DIS3L2: variants seen among roughly 807,000 people sequenced by gnomAD.
The protein encoded by DIS3L2 is DIS3-like exonuclease 2.
Under a neutral mutation model 97.5 loss-of-function variants are expected in DIS3L2, and 34 were observed. The ratio of observed to expected loss-of-function variants is 0.35; its 90% CI spans 0.27 to 0.46. DIS3L2 has a LOEUF of 0.46. Ranked by LOEUF, DIS3L2 falls within the 20% of genes least tolerant of loss-of-function variation. The probability of loss-of-function intolerance (pLI) is 1.00; values close to 1 mark genes in which losing one functional copy is unlikely to be tolerated. For missense variants in DIS3L2, 1,038 were observed against 1,146.0 expected (o/e 0.91, Z 1.36); for synonymous variants, 435 against 445.2 (o/e 0.98, Z 0.29).
At chr2:232,069,167 G>A (rs543816394) in intron 5 of DIS3L2, among the ~76,000 whole-genome samples, 2 of 152,188 alleles carry the variant, frequency 1.3e-5, no homozygotes, top group East Asian at 3.9e-4. Flanking sequence ...TTTCTAAGAT[G>A]AAATCTGAGG....
intron 8 of DIS3L2, among the ~76,000 whole-genome samples, chr2:232,160,994 C>T (rs577978174): frequency 3.4e-4 from 51 of 152,144 alleles, no homozygotes; most frequent in African/African-American, 7.5e-4. Context: ...CTCGGCTCAC[C>T]GCAACCTCCG....
chr2:232,005,036 A>T (rs1304693972), intron 1 of DIS3L2, among the ~76,000 whole-genome samples: 1 of 152,080 alleles, frequency 6.6e-6, no homozygotes, highest in Non-Finnish European at 1.5e-5. Context: ...AGTCATTTTG[A>T]GGTTGGGATT....
intron 5 of DIS3L2, among the ~76,000 whole-genome samples, chr2:232,059,099 A>T (rs1450534179): frequency 6.6e-6 from 1 of 152,228 alleles, no homozygotes. Context: ...CAAAGGGTTT[A>T]GAAGTCAGCT....
In DIS3L2 at chr2:232,334,621, G is replaced by C; in HGVS notation, c.2290-10G>C. On this transcript the variant is annotated splice_polypyrimidine_tract_variant and intron_variant, in intron 18 of 20. Coordinates refer to ENST00000325385, the MANE Select transcript of DIS3L2 (RefSeq NM_152383.5). Reference sequence around the variant, plus strand: ...CAGGAGGTGCCATGGCTGCAGCACTGTCCCTGCAGGAGAGTGGCCCCCTGG... The same window carrying C: ...CAGGAGGTGCCATGGCTGCAGCACTCTCCCTGCAGGAGAGTGGCCCCCTGG... 1 of 1,604,532 alleles carries C rather than the reference G, an allele frequency of 6.2e-7. No individual in the cohort carries two copies. The highest frequency in any genetic ancestry group is 8.5e-7 in the Non-Finnish European group (1 of 1,175,864).
chr2:232,132,433 G>C (rs571387417), intron 7 of DIS3L2, among the ~76,000 whole-genome samples: 1 of 152,252 alleles, frequency 6.6e-6, no homozygotes, highest in East Asian at 1.9e-4. Flanking sequence ...GAGGATAACT[G>C]TAAACCCTGG....
At chr2:232,100,672 T>C (rs1697169500) in intron 6 of DIS3L2, among the ~76,000 whole-genome samples, 1 of 152,130 alleles carries the variant, frequency 6.6e-6, no homozygotes, top group African/African-American at 2.4e-5. Context: ...TGCTATTTTT[T>C]GTTAATGTTT....
intron 1 of DIS3L2, among the ~76,000 whole-genome samples, chr2:231,963,503 A>G (rs1692625718): frequency 6.6e-6 from 1 of 152,166 alleles, no homozygotes; most frequent in African/African-American, 2.4e-5. Context: ...GACCTTTGTC[A>G]GATGCATAGT....
intron 5 of DIS3L2, among the ~76,000 whole-genome samples, chr2:232,032,115 C>A (rs1403527734): frequency 1.3e-5 from 2 of 152,202 alleles, no homozygotes; most frequent in African/African-American, 4.8e-5. Flanking sequence ...AACTAATTTA[C>A]ACTCCTGCCA....
At position 232,085,241 on chromosome 2, in the gene DIS3L2, C is replaced by T. The variant is rs1364838204; in HGVS notation, c.367-2246C>T. On this transcript the variant is annotated intron_variant, in intron 5 of 20. Transcript: ENST00000325385. ...ATTATTCTCTCATTTACTTAACGAG[C>T]TTTCTCATTCTTTCAATATATTTAA... Among the ~76,000 whole-genome samples the T allele has an allele frequency of 2.6e-5, 4 of 152,220 alleles. No homozygotes were observed. The East Asian group carries it at 7.7e-4, about 29-fold the overall frequency.
At chr2:232,001,627 G>T (rs1465608155) in intron 1 of DIS3L2, among the ~76,000 whole-genome samples, 3 of 92,170 alleles carry the variant, frequency 3.3e-5, no homozygotes, top group African/African-American at 1.4e-4. Context: ...AAAAATCTTT[G>T]CCCTGATCAA....
At chr2:232,007,839 T>C in intron 1 of DIS3L2, among the ~76,000 whole-genome samples, 1 of 152,230 alleles carries the variant, frequency 6.6e-6, no homozygotes, top group Non-Finnish European at 1.5e-5. Flanking sequence ...ATCAAGGGAA[T>C]ACTGTCATAA....
At chr2:232,209,547 G>A (rs1692130052) in intron 9 of DIS3L2, among the ~76,000 whole-genome samples, 1 of 152,148 alleles carries the variant, frequency 6.6e-6, no homozygotes, top group Non-Finnish European at 1.5e-5. Flanking sequence ...TGTGGCATGG[G>A]GGCAGAAGGG....
intron 9 of DIS3L2, among the ~76,000 whole-genome samples, chr2:232,186,644 C>A (rs1026808338): frequency 1.3e-5 from 2 of 152,110 alleles, no homozygotes; most frequent in African/African-American, 4.8e-5. Flanking sequence ...CAGAAGTATT[C>A]AGCAAAATTT....
chr2:232,336,854 AGGCCCCAGTCCTCCTGGGAGGCT>A lies in DIS3L2; in HGVS notation c.*231_*253del. The A allele has an allele frequency of 3.6e-6, 5 of 1,377,158 alleles. No homozygotes were observed. The South Asian group carries it at 4.7e-5, about 13-fold the overall frequency. The allele number at this position is 1,377,158 out of a possible 1,614,324, so 85.3% of individuals were successfully genotyped here. A position where few individuals can be genotyped will look rare whatever the true frequency, so the allele number is the denominator to read the frequency against. The stretch of plus-strand genomic sequence containing the variant: ...TGGTCAGCAGTGACCCCAGCAGAGC[AGGCCCCAGTCCTCCTGGGAGGCT>A]GGCCCCCCTTTTTTCTGGGCCCTAC... On this transcript the variant is annotated 3_prime_UTR_variant, in exon 21 of 21. Coordinates refer to ENST00000325385, the MANE Select transcript of DIS3L2 (RefSeq NM_152383.5).
At chr2:232,126,440 G>C (rs950763522) in intron 6 of DIS3L2, among the ~76,000 whole-genome samples, 8 of 152,194 alleles carry the variant, frequency 5.3e-5, no homozygotes, top group African/African-American at 1.7e-4. Context: ...TCATTCTGTT[G>C]TACTGCTCTG....
At chr2:232,182,542 C>G (rs1448426634) in intron 9 of DIS3L2, among the ~76,000 whole-genome samples, 2 of 152,044 alleles carry the variant, frequency 1.3e-5, no homozygotes, top group African/African-American at 4.8e-5. Flanking sequence ...CAGTTGAATT[C>G]TACATTTCTC....
intron 14 of DIS3L2, among the ~76,000 whole-genome samples, chr2:232,305,642 C>T (rs1694968751): frequency 6.6e-6 from 1 of 152,100 alleles, no homozygotes; most frequent in African/African-American, 2.4e-5. Context: ...TTTTCTCTTG[C>T]AACTTGTTTT....
At chr2:232,208,672 G>T (rs750021738) in intron 9 of DIS3L2, among the ~76,000 whole-genome samples, 1 of 151,926 alleles carries the variant, frequency 6.6e-6, no homozygotes, top group Non-Finnish European at 1.5e-5. Context: ...GTTAATTTTT[G>T]TTGCTAAATA....
At chr2:232,170,453 G>C (rs998955548) in intron 9 of DIS3L2, among the ~76,000 whole-genome samples, 21 of 152,126 alleles carry the variant, frequency 1.4e-4, no homozygotes, top group Non-Finnish European at 1.5e-5. Context: ...TTGAAGTGGA[G>C]GTGGTTTCTA....
Sources: gnomAD v4.1 joint callset for allele counts (sites outside exome capture counted in the v4.1 genomes callset) on GRCh38, gnomAD v4.1.1 for gene constraint, MANE v1.5 for transcripts, NCBI Gene and HGNC (gene_info 2026-07-23, HGNC 2026-07-21) for gene names.